CMIP: variants seen among roughly 807,000 people sequenced by gnomAD.
The protein encoded by CMIP is C-Maf-inducing protein.
CMIP carries 13 observed loss-of-function variants against 97.3 expected under a neutral mutation model. That is an observed-to-expected ratio of 0.13 (90% CI 0.09 to 0.21). The LOEUF is 0.21. Among genes scored for constraint, CMIP ranks in the 10% least tolerant of loss-of-function variants. The pLI is 1.00. For missense variants in CMIP, 847 were observed against 1,024.9 expected (o/e 0.83, Z 2.37); for synonymous variants, 538 against 436.3 (o/e 1.23, Z -2.91).
chr16:81,592,652 C>T (rs1344344891), intron 1 of CMIP, among the ~76,000 whole-genome samples: 1 of 152,254 alleles, frequency 6.6e-6, no homozygotes, highest in Non-Finnish European at 1.5e-5. Context: ...AACAACAGTC[C>T]TGGCTTCCAT....
chr16:81,473,668 A>T (rs1167174123), intron 1 of CMIP, among the ~76,000 whole-genome samples: 5 of 151,608 alleles, frequency 3.3e-5, no homozygotes, highest in African/African-American at 1.2e-4. Context: ...CTCAAATCTC[A>T]CTCATGATTT....
intron 1 of CMIP, among the ~76,000 whole-genome samples, chr16:81,461,488 C>A (rs1205061178): frequency 6.6e-6 from 1 of 152,162 alleles, no homozygotes; most frequent in African/African-American, 2.4e-5. Flanking sequence ...CCAGTGAGCT[C>A]AGAGACAGCC....
intron 1 of CMIP, among the ~76,000 whole-genome samples, chr16:81,587,389 G>A (rs908079808): frequency 6.6e-6 from 1 of 152,180 alleles, no homozygotes; most frequent in Non-Finnish European, 1.5e-5. Flanking sequence ...TCGATGAGGC[G>A]GTCAGTCTGT....
intron 1 of CMIP, among the ~76,000 whole-genome samples, chr16:81,510,544 C>G (rs912639956): frequency 6.6e-6 from 1 of 152,150 alleles, no homozygotes; most frequent in African/African-American, 2.4e-5. Context: ...CAAAGTCACA[C>G]AACCAGCCAG....
At chr16:81,667,746 G>A in intron 7 of CMIP, among the ~76,000 whole-genome samples, 1 of 141,590 alleles carries the variant, frequency 7.1e-6, no homozygotes, top group South Asian at 2.4e-4. Context: ...TAACCCAGGA[G>A]GGAGGGAGGG....
At chr16:81,702,468 A>G (rs958968514) in intron 16 of CMIP, among the ~76,000 whole-genome samples, 154 bp from the exon 17 acceptor site, 5 of 152,004 alleles carry the variant, frequency 3.3e-5, no homozygotes, top group African/African-American at 1.2e-4. Context: ...CTCAAACCTC[A>G]TCTCCGGGTT....
At chr16:81,686,000 C>G (rs1905344558) in intron 10 of CMIP, among the ~76,000 whole-genome samples, 1 of 152,202 alleles carries the variant, frequency 6.6e-6, no homozygotes. Context: ...CCAGCTCTCA[C>G]CAGCTGTGTG....
In CMIP at chr16:81,530,627, C is replaced by G. The variant is rs932841853; in HGVS notation, c.301-76940C>G. ...TTCCTCACCGCTTCCCAAGGCAGAG[C>G]AGAGCCTCTCCCGCCCGCCTCCCAC... On this transcript the variant is annotated intron_variant, in intron 1 of 20. Transcript: ENST00000537098. Among the ~76,000 whole-genome samples, 7 of 152,094 alleles carry G rather than the reference C, an allele frequency of 4.6e-5. No homozygotes were observed. The South Asian group carries it at 1.5e-3, about 32-fold the overall frequency.
At chr16:81,513,267 T>G (rs1047616689) in intron 1 of CMIP, among the ~76,000 whole-genome samples, 2 of 152,250 alleles carry the variant, frequency 1.3e-5, no homozygotes, top group East Asian at 3.8e-4. Context: ...AGTGTGGGGC[T>G]TCCTGCCAGC....
At chr16:81,702,301 C>T (rs1055571903) in intron 16 of CMIP, among the ~76,000 whole-genome samples, 2 of 152,122 alleles carry the variant, frequency 1.3e-5, no homozygotes, top group African/African-American at 2.4e-5. Flanking sequence ...CATGGCTTCT[C>T]CACCATTTCT....
In CMIP at chr16:81,710,891, C is replaced by G. The variant is rs1302357852; in HGVS notation, c.*1092C>G. ...TGCTGTCCCCTGTCCCCAACGGAGA[C>G]TCTGTCACCCCTGGGCTCCCCCTGC... On this transcript the variant is annotated 3_prime_UTR_variant, in exon 21 of 21. Transcript: ENST00000537098. 6.6e-6 allele frequency: 1 copy of G among 152,168 alleles called. No homozygotes were observed. The highest frequency in any genetic ancestry group is 1.5e-5 in the Non-Finnish European group (1 of 68,080). 9.4% of individuals were successfully genotyped at this position (152,168 alleles called of 1,614,324 possible). A position where few individuals can be genotyped will look rare whatever the true frequency, so the allele number is the denominator to read the frequency against.
intron 2 of CMIP, among the ~76,000 whole-genome samples, chr16:81,608,742 C>T (rs935558159): frequency 6.6e-6 from 1 of 152,060 alleles, no homozygotes; most frequent in Non-Finnish European, 1.5e-5. Flanking sequence ...TACATCATGT[C>T]AGGGGAGCCA....
At chr16:81,494,749 C>G (rs2089460589) in intron 1 of CMIP, among the ~76,000 whole-genome samples, 1 of 152,194 alleles carries the variant, frequency 6.6e-6, no homozygotes, top group Non-Finnish European at 1.5e-5. Flanking sequence ...TGGACACTGC[C>G]CAGGTGCCCC....
At chr16:81,598,680 C>G (rs146866052) in intron 1 of CMIP, among the ~76,000 whole-genome samples, 1 of 152,116 alleles carries the variant, frequency 6.6e-6, no homozygotes, top group Non-Finnish European at 1.5e-5. Flanking sequence ...AGAGCAGTAA[C>G]GTTCGGCTGG....
At chr16:81,513,564 G>C (rs1007755478) in intron 1 of CMIP, among the ~76,000 whole-genome samples, 3 of 152,210 alleles carry the variant, frequency 2.0e-5, no homozygotes, top group Non-Finnish European at 4.4e-5. Context: ...GAGCCGGCGT[G>C]GAGCTGGGAT....
At chr16:81,482,801 G>A (rs1053614825) in intron 1 of CMIP, among the ~76,000 whole-genome samples, 2 of 152,248 alleles carry the variant, frequency 1.3e-5, no homozygotes, top group African/African-American at 2.4e-5. Flanking sequence ...CCTAAGCTGA[G>A]CCCGTTCCCA....
At chr16:81,522,951 G>A (rs2090056910) in intron 1 of CMIP, among the ~76,000 whole-genome samples, 1 of 151,578 alleles carries the variant, frequency 6.6e-6, no homozygotes, top group Admixed American at 6.6e-5. Flanking sequence ...TTTTGAGACA[G>A]TGTCTCATTC....
chr16:81,600,244 C>G (rs919114571), intron 1 of CMIP, among the ~76,000 whole-genome samples: 1 of 142,626 alleles, frequency 7.0e-6, no homozygotes, highest in Non-Finnish European at 1.5e-5. Flanking sequence ...CCACTGCACT[C>G]CAGCCTAGGC....
intron 14 of CMIP, chr16:81,697,813 G>C (rs1448631835): frequency 6.6e-6 from 1 of 152,296 alleles, no homozygotes; most frequent in Non-Finnish European, 1.5e-5. Flanking sequence ...CTTATTTTTA[G>C]GCCCTTTGCC....
Sources: allele counts gnomAD v4.1 joint callset (sites outside exome capture counted in the v4.1 genomes callset), GRCh38; gene constraint gnomAD v4.1.1; transcripts MANE v1.5; gene names NCBI Gene and HGNC (gene_info 2026-07-23, HGNC 2026-07-21).